TP53BP1: variants seen among roughly 807,000 people sequenced by gnomAD.
TP53BP1 encodes the protein tumor protein p53 binding protein 1.
Under a neutral mutation model 200.8 loss-of-function variants are expected in TP53BP1, and 61 were observed. The observed-to-expected ratio is 0.30, with a 90% CI of 0.25 to 0.38. The LOEUF is 0.38. TP53BP1 is among the 10% of genes least tolerant of loss of function. The pLI is 1.00. For synonymous variants in TP53BP1, 822 were observed against 844.3 expected (o/e 0.97, Z 0.46); for missense variants, 2,144 against 2,371.9 (o/e 0.90, Z 2.00).
intron 1 of TP53BP1, among the ~76,000 whole-genome samples, chr15:43,505,600 G>C (rs1764792397): frequency 6.6e-6 from 1 of 152,142 alleles, no homozygotes; most frequent in Non-Finnish European, 1.5e-5. Flanking sequence ...CAGGGGGAAG[G>C]TAAACCCAGT....
chr15:43,443,251 T>C (rs1313441867), intron 14 of TP53BP1, among the ~76,000 whole-genome samples: 1 of 152,126 alleles, frequency 6.6e-6, no homozygotes, highest in Non-Finnish European at 1.5e-5. Flanking sequence ...ATTTATATCA[T>C]ATTAAAAACA....
At chr15:43,444,555 C>T (rs896245103) in intron 14 of TP53BP1, among the ~76,000 whole-genome samples, 33 of 152,090 alleles carry the variant, frequency 2.2e-4, no homozygotes, top group Admixed American at 9.8e-4. Context: ...ATTTGTATCC[C>T]GGCTACTCCA....
chr15:43,416,388 A>G lies in TP53BP1; in HGVS notation c.4710T>C (p.Ser1570=), dbSNP rs2045266056. 2 of 1,614,114 alleles carry G rather than the reference A, an allele frequency of 1.2e-6. No individual in the cohort carries two copies. Among genetic ancestry groups the G allele is most frequent in the Non-Finnish European group, 1.7e-6 (2 of 1,179,996 alleles). ...AGVVKGHRKE[S]GELYYSIEKE... ...TTTCAATGCTGTAGTACAGTTCCCC[A>G]GACTCCTTCCTATGTCCTTTCACCA... Residue 1570 remains serine, a synonymous_variant, in exon 22 of 28, where the codon TCT becomes TCC. Transcript: ENST00000382044.
At chr15:43,453,825 G>T (rs1408796289) in intron 12 of TP53BP1, among the ~76,000 whole-genome samples, 1 of 151,686 alleles carries the variant, frequency 6.6e-6, no homozygotes, top group African/African-American at 2.4e-5. Context: ...GATTACAGGC[G>T]TGAGCCACCG....
At chr15:43,438,102 G>C (rs1452886124) in intron 16 of TP53BP1, among the ~76,000 whole-genome samples, 4 of 152,296 alleles carry the variant, frequency 2.6e-5, no homozygotes, top group East Asian at 3.9e-4. Context: ...CATACATATG[G>C]GCAGTGCCCC....
At chr15:43,413,634 C>A (rs2142967833) in intron 23 of TP53BP1, among the ~76,000 whole-genome samples, 1 of 152,166 alleles carries the variant, frequency 6.6e-6, no homozygotes, top group African/African-American at 2.4e-5. Context: ...ATAGCCACAC[C>A]AAATACTTCT....
chr15:43,493,170 A>C (rs2079154258), upstream of TP53BP1: 1 of 1,530,588 alleles, frequency 6.5e-7, no homozygotes, highest in South Asian at 1.2e-5. Flanking sequence ...CTTTCCCGTC[A>C]CGTCACACAA....
chr15:43,474,783 G>A lies in TP53BP1; in HGVS notation c.1086-16C>T, dbSNP rs769883994. On this transcript the variant is annotated splice_polypyrimidine_tract_variant and intron_variant, in intron 9 of 27. Coordinates refer to ENST00000382044, the MANE Select transcript of TP53BP1 (RefSeq NM_001141980.3). ...TGAAGAATTCCTTTATATAAAGAGAGAATCACAGGTTATTTTACCATAGCC... is the reference window on the plus strand; with the variant it reads ...TGAAGAATTCCTTTATATAAAGAGAAAATCACAGGTTATTTTACCATAGCC... 6.4e-7 allele frequency: 1 copy of A among 1,557,002 alleles called. No individual in the cohort carries two copies. Among genetic ancestry groups the A allele is most frequent in the Admixed American group, 1.7e-5 (1 of 58,946 alleles).
chr15:43,418,931 A>C (rs545612048), intron 21 of TP53BP1, among the ~76,000 whole-genome samples: 36 of 152,318 alleles, frequency 2.4e-4, no homozygotes, highest in Non-Finnish European at 4.7e-4. Context: ...AGAGAAGGCC[A>C]CCTGTCCCTC....
intron 1 of TP53BP1, 34 bp from the exon 2 acceptor site, chr15:43,492,502 A>G (rs1308957786): frequency 6.3e-7 from 1 of 1,581,338 alleles, no homozygotes; most frequent in Admixed American, 1.7e-5. Context: ...AGTTCCGTGT[A>G]ACCTACTAGC....
chr15:43,462,216 CAAAAAAAAAAAAAAAAAAAAAA>C lies in TP53BP1; in HGVS notation c.1390-5020_1390-4999del, dbSNP rs779088744. The stretch of plus-strand genomic sequence containing the variant: ...ACACGTGGAGAGCGAGACTTCATCT[CAAAAAAAAAAAAAAAAAAAAAA>C]AAAAAAAAAAAAAAAGCTAAGAGTT... On this transcript the variant is annotated intron_variant, in intron 11 of 27. Transcript: ENST00000382044. Among the ~76,000 whole-genome samples the C allele has an allele frequency of 5.0e-4, 17 of 34,094 alleles. 2 individuals carry two copies. Among genetic ancestry groups the C allele is most frequent in the Non-Finnish European group, 2.5e-4 (4 of 16,138 alleles). 22.4% of individuals were successfully genotyped at this position (34,094 alleles called of 152,430 possible).
At chr15:43,475,800 A>AT in intron 8 of TP53BP1, 106 bp from the exon 9 acceptor site, 1 of 1,371,398 alleles carries the variant, frequency 7.3e-7, no homozygotes. Flanking sequence ...ACATATTTCC[A>AT]TATTTCCAAA....
intron 7 of TP53BP1, among the ~76,000 whole-genome samples, chr15:43,478,820 C>T (rs923628634): frequency 2.0e-5 from 3 of 152,156 alleles, no homozygotes; most frequent in African/African-American, 7.2e-5. Context: ...CTAAGAAGAC[C>T]TCCCACAGAC....
intron 12 of TP53BP1, among the ~76,000 whole-genome samples, chr15:43,451,816 A>AGAACCATT (rs2046178007): frequency 6.6e-6 from 1 of 152,226 alleles, no homozygotes; most frequent in African/African-American, 2.4e-5. Context: ...GTAAAAGTGA[A>AGAACCATT]GAACCATTAC....
intron 21 of TP53BP1, among the ~76,000 whole-genome samples, chr15:43,418,519 AAGAT>A (rs1178177820): frequency 1.0e-3 from 155 of 152,110 alleles, no homozygotes; most frequent in African/African-American, 2.5e-3. Flanking sequence ...AAAAAAAAAA[AAGAT>A]AGAAAGAAAG....
chr15:43,480,669 A>G (rs111773354), intron 5 of TP53BP1, among the ~76,000 whole-genome samples: 31 of 152,338 alleles, frequency 2.0e-4, no homozygotes, highest in African/African-American at 7.5e-4. Flanking sequence ...AAATGAATAC[A>G]AGAGGAAGAA....
At position 43,403,576 on chromosome 15, in the gene TP53BP1, GTCAGCTATTAATTAGA is replaced by G. The variant is rs1209483513; in HGVS notation, c.*3791_*3806del. The G allele has an allele frequency of 8.5e-6, 7 of 826,976 alleles. No individual in the cohort carries two copies. In the African/African-American group the frequency reaches 1.2e-4, roughly 14 times the overall value. The allele number at this position is 826,976 out of a possible 1,614,324, so 51.2% of individuals were successfully genotyped here. On this transcript the variant is annotated 3_prime_UTR_variant, in exon 28 of 28. Coordinates refer to ENST00000382044, the MANE Select transcript of TP53BP1 (RefSeq NM_001141980.3). ...GTGTCTATCCTGTCAGATTTGGGAG[GTCAGCTATTAATTAGA>G]TCAGCTATTAATCAGACTGTTCTCC...
chr15:43,416,189 G>A (rs750983054), intron 22 of TP53BP1, 36 bp downstream of exon 22: 11 of 1,579,898 alleles, frequency 7.0e-6, no homozygotes, highest in Non-Finnish European at 9.5e-6. Context: ...CAGAACAGGA[G>A]CCCAAAAGCA....
intron 1 of TP53BP1, among the ~76,000 whole-genome samples, chr15:43,504,876 C>T (rs1053012226): frequency 3.3e-5 from 5 of 151,980 alleles, no homozygotes; most frequent in African/African-American, 1.2e-4. Flanking sequence ...AAAAATTAGC[C>T]AGGTGTGTTG....
Sources: allele counts gnomAD v4.1 joint callset (sites outside exome capture counted in the v4.1 genomes callset), GRCh38; gene constraint gnomAD v4.1.1; transcripts MANE v1.5; gene names NCBI Gene and HGNC (gene_info 2026-07-23, HGNC 2026-07-21).